Variants in UBE3B observed in about 807,000 individuals in gnomAD.
The protein encoded by UBE3B is ubiquitin protein ligase E3B.
In UBE3B, 80 loss-of-function variants were observed where a neutral mutation model predicts 132.3. That is an observed-to-expected ratio of 0.60 (90% confidence interval 0.50 to 0.73). The LOEUF is 0.73. Ranked by LOEUF, UBE3B falls within the 30% of genes least tolerant of loss-of-function variation. UBE3B has a pLI of 0.00. For missense variants in UBE3B, 1,196 were observed against 1,362.5 expected (o/e 0.88, Z 1.92); for synonymous variants, 487 against 520.4 (o/e 0.94, Z 0.87).
chr12:109,507,667 C>G lies in UBE3B; in HGVS notation c.1554C>G (p.Asp518Glu). 6.2e-7 allele frequency: 1 copy of G among 1,614,220 alleles called. No homozygotes were observed. Among genetic ancestry groups the G allele is most frequent in the Non-Finnish European group, 8.5e-7 (1 of 1,180,046 alleles). The change falls in exon 15 of 28, where the codon GAC becomes GAG. Residue 518 changes from aspartate (D) to glutamate (E), a missense_variant. Coordinates refer to ENST00000342494, the MANE Select transcript of UBE3B (RefSeq NM_130466.4). ...TCTTCTTGGAATGCCTGAACAATGACACTGAAGAGTCCAAGCAACTCTTGG... is the reference window on the plus strand; with the variant it reads ...TCTTCTTGGAATGCCTGAACAATGAGACTGAAGAGTCCAAGCAACTCTTGG... ...LKLFLECLNN[D>E]TEESKQLLAM...
Position 109,507,583 on chromosome 12 carries a change from C to A in UBE3B, c.1470C>A (p.Asp490Glu), listed in dbSNP as rs1879851782. The change falls in exon 15 of 28, where the codon GAC becomes GAA. Residue 490 changes from aspartate to glutamate, a missense_variant. Asp to Glu is a conservative substitution (Grantham distance 45). Transcript: ENST00000342494. Reference sequence around the variant, plus strand: ...TTCCAGGTCTCACTTACCTTGATGACCTGCTTCCCAAACTGTGGGCATTTA... The same window carrying A: ...TTCCAGGTCTCACTTACCTTGATGAACTGCTTCCCAAACTGTGGGCATTTA... ...QILTGLTYLDDLLPKLWAFIC... is the reference protein window; with the variant it reads ...QILTGLTYLDELLPKLWAFIC... 6.2e-7 allele frequency: 1 copy of A among 1,613,834 alleles called. No individual in the cohort carries two copies. The highest frequency in any genetic ancestry group is 1.3e-5 in the African/African-American group (1 of 75,032).
In UBE3B at chr12:109,534,652, C is replaced by T; in HGVS notation, c.3077C>T (p.Pro1026Leu). Residue 1026 changes from proline to leucine, a missense_variant, in exon 28 of 28, where the codon CCA becomes CTA. By Grantham distance (98) the Pro-to-Leu change is moderately conservative. Transcript: ENST00000342494. This position sits in a 1 kb window ranked among gnomAD's most constrained non-coding sequence, Gnocchi z 5.2. ...TTCTTCACCATCCGCAAGCGGGAGC[C>T]AGGCGGCCGCCTGCCCACCTCCTCC... is the stretch of plus-strand genomic sequence containing the variant. The part of the protein sequence containing the change: ...RGFFTIRKRE[P>L]GGRLPTSSTC... The T allele has an allele frequency of 6.2e-7, 1 of 1,612,004 alleles. No homozygotes were observed. The highest frequency in any genetic ancestry group is 1.3e-5 in the African/African-American group (1 of 74,948).
chr12:109,491,198 TCG>T, intron 9 of UBE3B, 71 bp downstream of exon 9: 3 of 1,452,850 alleles, frequency 2.1e-6, no homozygotes, highest in Non-Finnish European at 2.9e-6. Context: ...TTTCTTTCTC[TCG>T]TTACTGGTAT....
intron 24 of UBE3B, chr12:109,528,242 A>G: frequency 1.3e-6 from 1 of 743,986 alleles, no homozygotes; most frequent in Non-Finnish European, 1.6e-6. Context: ...TGAGTGTTGG[A>G]TGTTTCCCAT....
chr12:109,510,372 G>A lies in UBE3B; in HGVS notation c.1770G>A (p.Leu590=). 1 of 1,611,554 alleles carries A rather than the reference G, an allele frequency of 6.2e-7. No individual in the cohort carries two copies. Among genetic ancestry groups the A allele is most frequent in the African/African-American group, 1.3e-5 (1 of 75,016 alleles). The change falls in exon 17 of 28, where the codon CTG becomes CTA. Residue 590 remains leucine (L), a synonymous_variant. Coordinates refer to ENST00000342494, the MANE Select transcript of UBE3B (RefSeq NM_130466.4). ...VENAKGETLE[L]FQSVHGWLMV... is the part of the protein sequence containing the mutation. ...ACGCCAAGGGTGAGACCTTGGAGCT[G>A]TTCCAGTCTGTCCACGGGTGGCTTA...
rs528208828 is a variant in UBE3B at position 109,530,495 on chromosome 12, C to G, written c.2811-52C>G. 4.6e-6 allele frequency: 7 copies of G among 1,530,088 alleles called. No individual in the cohort carries two copies. In the South Asian group the frequency reaches 7.9e-5, roughly 17 times the overall value. 94.8% of individuals were successfully genotyped at this position (1,530,088 alleles called of 1,614,324 possible). ...TGTCTGCATGACCTGCCTGCCTGTC[C>G]ATAAGTGCCCACGCTAGCACATTGC... is the stretch of plus-strand genomic sequence containing the variant. On this transcript the variant is annotated intron_variant, in intron 25 of 27. Coordinates refer to ENST00000342494, the MANE Select transcript of UBE3B (RefSeq NM_130466.4).
At chr12:109,531,703 C>T (rs898052345) in intron 26 of UBE3B, among the ~76,000 whole-genome samples, 16 of 152,012 alleles carry the variant, frequency 1.1e-4, no homozygotes, top group African/African-American at 3.4e-4. Context: ...CACAGGTCTC[C>T]GGGGATTTAG....
chr12:109,524,260 A>G, intron 22 of UBE3B, 145 bp downstream of exon 22: 1 of 1,376,804 alleles, frequency 7.3e-7, no homozygotes, highest in Non-Finnish European at 1.0e-6. Flanking sequence ...GGGCAGTCCC[A>G]CTTGGGGCTG....
intron 24 of UBE3B, among the ~76,000 whole-genome samples, 172 bp downstream of exon 24, chr12:109,526,588 T>G (rs1432828509): frequency 6.6e-6 from 1 of 152,186 alleles, no homozygotes; most frequent in African/African-American, 2.4e-5. Flanking sequence ...AAATTCAATT[T>G]GCGGCCGGGC....
chr12:109,509,620 T>G lies in UBE3B; in HGVS notation c.1647T>G (p.Tyr549Ter). 6.2e-7 allele frequency: 1 copy of G among 1,608,492 alleles called. No homozygotes were observed. Among genetic ancestry groups the G allele is most frequent in the Non-Finnish European group, 8.5e-7 (1 of 1,178,664 alleles). Residue 549 changes from tyrosine (Y) to a stop codon, truncating the protein, a stop_gained, in exon 16 of 28, where the codon TAT (tyrosine) becomes TAG (stop). Coordinates refer to ENST00000342494, the MANE Select transcript of UBE3B (RefSeq NM_130466.4). LOFTEE classifies it high-confidence loss of function. ...GAATCCTTGATGACATTGAAGTTTA[T>G]GAAGAACAGATTTCATTCAAACTGG... ...LITILDDIEV[Y>*]EEQISFKLEE...
At chr12:109,517,516 C>G (rs1323524500) in intron 19 of UBE3B, among the ~76,000 whole-genome samples, 1 of 152,154 alleles carries the variant, frequency 6.6e-6, no homozygotes, top group South Asian at 2.1e-4. Flanking sequence ...CAAGACCGTG[C>G]CTCCAATCTG....
intron 19 of UBE3B, among the ~76,000 whole-genome samples, chr12:109,517,191 C>T (rs1881172927): frequency 2.0e-5 from 3 of 152,176 alleles, no homozygotes; most frequent in Admixed American, 6.5e-5. Context: ...CCAGTCACAG[C>T]GGCTGCACTA....
rs1210371820 is a variant in UBE3B, at chr12:109,526,363, T to G, written c.2574T>G (p.Val858=). Residue 858 remains valine, a synonymous_variant, in exon 24 of 28, where the codon GTT becomes GTG. Coordinates refer to ENST00000342494, the MANE Select transcript of UBE3B (RefSeq NM_130466.4). Reference sequence around the variant, plus strand: ...ACTCCCATCTTCTCCCCCAGCTTGTTTGCCATGAACTGATTCCTGGAGGGA... The same window carrying G: ...ACTCCCATCTTCTCCCCCAGCTTGTGTGCCATGAACTGATTCCTGGAGGGA... The part of the protein sequence containing the change: ...SYDEDVMGQL[V]CHELIPGGKT... The G allele has an allele frequency of 6.2e-7, 1 of 1,614,184 alleles. No individual in the cohort carries two copies. Among genetic ancestry groups the G allele is most frequent in the Admixed American group, 1.7e-5 (1 of 60,012 alleles).
Position 109,521,225 on chromosome 12 carries a change from C to CG in UBE3B, c.2158dup (p.Val720GlyfsTer7). The stretch of plus-strand genomic sequence containing the variant: ...TCCGTGTGAAGTTTGTCAATGACCT[C>CG]GGGGTGGACGAAGCAGGGATTGATC... On this transcript the variant is annotated frameshift_variant, in exon 20 of 28. Coordinates refer to ENST00000342494, the MANE Select transcript of UBE3B (RefSeq NM_130466.4). LOFTEE classifies it high-confidence loss of function. This position sits in a 1 kb window ranked among gnomAD's most constrained non-coding sequence, Gnocchi z 4.2. 3 of 1,614,144 alleles carry CG rather than the reference C, an allele frequency of 1.9e-6. No homozygotes were observed. The highest frequency in any genetic ancestry group is 2.5e-6 in the Non-Finnish European group (3 of 1,180,032).
chr12:109,540,724 G>C (rs796660080), downstream of UBE3B, among the ~76,000 whole-genome samples: 9 of 152,350 alleles, frequency 5.9e-5, no homozygotes, highest in African/African-American at 2.2e-4. Context: ...AGTCATTCTG[G>C]CCCTTCCAGG....
At chr12:109,502,826 T>G (rs1879164082) in intron 13 of UBE3B, among the ~76,000 whole-genome samples, 197 bp from the exon 14 acceptor site, 1 of 152,254 alleles carries the variant, frequency 6.6e-6, no homozygotes, top group Non-Finnish European at 1.5e-5. Flanking sequence ...TCTGAAGAGA[T>G]CTTTGGGTTG....
intron 9 of UBE3B, chr12:109,492,004 G>A (rs1162869121): frequency 2.6e-5 from 4 of 152,194 alleles, no homozygotes; most frequent in African/African-American, 9.7e-5. Flanking sequence ...CTAGAGCATG[G>A]GTTGGCCAAA....
intron 4 of UBE3B, 33 bp from the exon 5 acceptor site, chr12:109,485,979 G>A: frequency 6.5e-7 from 1 of 1,550,274 alleles, no homozygotes; most frequent in South Asian, 1.2e-5. Flanking sequence ...ATGGATTGTG[G>A]GAATGTATAA....
intron 23 of UBE3B, 95 bp from the exon 24 acceptor site, chr12:109,526,260 CATT>C (rs1474157334): frequency 1.6e-6 from 2 of 1,230,618 alleles, no homozygotes; most frequent in East Asian, 4.7e-5. Flanking sequence ...TTAATTCCAT[CATT>C]ATCATGGATG....
Sources: gnomAD v4.1 joint callset for allele counts (sites outside exome capture counted in the v4.1 genomes callset) on GRCh38, gnomAD v4.1.1 for gene constraint, Gnocchi (gnomAD v3.1) non-coding constraint, MANE v1.5 for transcripts, NCBI Gene and HGNC (gene_info 2026-07-23, HGNC 2026-07-21) for gene names.